The following NVL variants were observed in gnomAD, a reference collection of about 807,000 sequenced individuals.
NVL encodes nuclear VCP like, also known as nuclear valosin-containing protein-like.
In NVL, 84 loss-of-function variants were observed where a neutral mutation model predicts 110.2. The observed-to-expected ratio is 0.76, with a 90% CI of 0.64 to 0.91. NVL has a LOEUF of 0.91. NVL is among the 40% of genes least tolerant of loss of function. NVL has a pLI of 0.00. For synonymous variants in NVL, 354 were observed against 361.1 expected (o/e 0.98, Z 0.22); for missense variants, 882 against 1,035.9 (o/e 0.85, Z 2.04).
chr1:224,271,847 C>T (rs1273466324), intron 17 of NVL, among the ~76,000 whole-genome samples: 1 of 151,948 alleles, frequency 6.6e-6, no homozygotes, highest in Non-Finnish European at 1.5e-5. Flanking sequence ...CCCATCTCTA[C>T]TAAAAATACA....
intron 8 of NVL, among the ~76,000 whole-genome samples, chr1:224,304,200 G>GCAGATCACGAAGTCAGGAGATCAAGA (rs1668690099): frequency 2.0e-5 from 3 of 152,310 alleles, no homozygotes; most frequent in Non-Finnish European, 2.9e-5. Context: ...GCTGAGGTGG[G>GCAGATCACGAAGTCAGGAGATCAAGA]CAGATCACGA....
At chr1:224,296,673 G>T in intron 10 of NVL, 55 bp from the exon 11 acceptor site, 1 of 1,002,982 alleles carries the variant, frequency 1.0e-6, no homozygotes, top group Non-Finnish European at 1.5e-6. Context: ...CTATACTGAA[G>T]CACAATTAAG....
chr1:224,294,350 G>A lies in NVL; in HGVS notation c.1242C>T (p.Asp414=), dbSNP rs142809512. ...VLVIGATNRP[D]SLDPALRRAG... is the part of the protein sequence containing the mutation. ...CACGTCTCAAAGCAGGGTCTAACGA[G>A]TCTGGTCGATTAGTAGCTCCAATAA... Residue 414 remains aspartate, a synonymous_variant, in exon 12 of 23, where the codon GAC becomes GAT. Transcript: ENST00000281701. 6.2e-6 allele frequency: 10 copies of A among 1,614,102 alleles called. No homozygotes were observed. The highest frequency in any genetic ancestry group is 1.7e-5 in the Admixed American group (1 of 60,006).
At chr1:224,321,755 C>CA (rs10551099) in intron 2 of NVL, among the ~76,000 whole-genome samples, 5 of 133,786 alleles carry the variant, frequency 3.7e-5, no homozygotes, top group African/African-American at 1.1e-4. Context: ...GATTCCACCT[C>CA]AAAAAAAAAA....
In NVL at chr1:224,257,371, G is replaced by A. The variant is rs2102785964; in HGVS notation, c.2183-7053C>T. On this transcript the variant is annotated intron_variant, in intron 18 of 22. Coordinates refer to ENST00000281701, the MANE Select transcript of NVL (RefSeq NM_002533.4). ...AGAAAAAAAAAGTTAAAATTGAGAG[G>A]TAACAGTAGCAACTTTTAACTTTAG... 1.3e-5 allele frequency among the ~76,000 whole-genome samples: 2 copies of A among 152,126 alleles called. 1 individual carries two copies. The highest frequency in any genetic ancestry group is 4.2e-4 in the South Asian group (2 of 4,818).
intron 9 of NVL, among the ~76,000 whole-genome samples, chr1:224,302,163 AC>A (rs1244300137): frequency 6.6e-6 from 1 of 152,116 alleles, no homozygotes; most frequent in Non-Finnish European, 1.5e-5. Flanking sequence ...CTTTCATAGA[AC>A]ATTATTGTAT....
At chr1:224,230,477 A>C (rs1370580907) in intron 22 of NVL, among the ~76,000 whole-genome samples, 1 of 151,982 alleles carries the variant, frequency 6.6e-6, no homozygotes, top group Non-Finnish European at 1.5e-5. Flanking sequence ...GGTGGTGCGC[A>C]CCTATAGTCC....
rs113028324 is a variant in NVL, at chr1:224,284,273, T to G, written c.1899+1753A>C. ...ACAAATCTTAATATATGAAGTGATA[T>G]AAATAAGAAAGAAAATCACATGTAT... On this transcript the variant is annotated intron_variant, in intron 15 of 22. Transcript: ENST00000281701. Among the ~76,000 whole-genome samples the G allele has an allele frequency of 5.1e-4, 78 of 152,210 alleles. 1 individual carries two copies. The highest frequency in any genetic ancestry group is 1.8e-3 in the African/African-American group (75 of 41,558).
chr1:224,322,243 ATTT>A (rs34841668), intron 2 of NVL, among the ~76,000 whole-genome samples: 4 of 131,792 alleles, frequency 3.0e-5, no homozygotes, highest in Admixed American at 7.7e-5. Flanking sequence ...TGCCACGCTA[ATTT>A]TTTTTTTTTT....
rs768441924 is a variant in NVL at position 224,268,129 on chromosome 1, CCT to C, written c.2085_2086del (p.Ala697LysfsTer28). 4.3e-6 allele frequency: 7 copies of C among 1,612,184 alleles called. No homozygotes were observed. Among genetic ancestry groups the C allele is most frequent in the South Asian group, 1.1e-5 (1 of 90,930 alleles). On this transcript the variant is annotated frameshift_variant and splice_region_variant, in exon 18 of 23. Coordinates refer to ENST00000281701, the MANE Select transcript of NVL (RefSeq NM_002533.4). LOFTEE classifies it high-confidence loss of function. Reference sequence around the variant, plus strand: ...CTGATTCACCACTCGGACACTTGCCCCTGTCTAAAAAGACATAAATCTGGTTC... The same window carrying C: ...CTGATTCACCACTCGGACACTTGCCCGTCTAAAAAGACATAAATCTGGTTC...
At position 224,317,916 on chromosome 1, in the gene NVL, C is replaced by G. The variant is rs541886599; in HGVS notation, c.146G>C (p.Arg49Pro). 6.3e-7 allele frequency: 1 copy of G among 1,597,432 alleles called. No individual in the cohort carries two copies. The highest frequency in any genetic ancestry group is 8.6e-7 in the Non-Finnish European group (1 of 1,168,670). Reference sequence around the variant, plus strand: ...AATCCTAAAAGCATTTCTTTTTCTTCGACCATAGTCTATACTGAAAAAAGA... The same window carrying G: ...AATCCTAAAAGCATTTCTTTTTCTTGGACCATAGTCTATACTGAAAAAAGA... ...LQRVYSIDYGRRKRNAFRIQV... is the reference protein window; with the variant it reads ...LQRVYSIDYGPRKRNAFRIQV... The change falls in exon 3 of 23, where the codon CGA (arginine) becomes CCA (proline). Residue 49 changes from arginine (R) to proline (P), a missense_variant. Arg to Pro is a moderately radical substitution (Grantham distance 103, BLOSUM62 -2). Coordinates refer to ENST00000281701, the MANE Select transcript of NVL (RefSeq NM_002533.4).
Position 224,321,402 on chromosome 1 carries a change from T to C in NVL, c.132-3472A>G, listed in dbSNP as rs183411890. Among the ~76,000 whole-genome samples, 531 of 152,196 alleles carry C rather than the reference T, an allele frequency of 3.5e-3. 4 individuals carry two copies. Among genetic ancestry groups the C allele is most frequent in the African/African-American group, 0.012 (496 of 41,540 alleles). ...CACCTGGATAAGAGAAGATGGCAGA[T>C]GGATGTAGGCAGAATGTTTAAAAGC... On this transcript the variant is annotated intron_variant, in intron 2 of 22. Transcript: ENST00000281701.
chr1:224,242,795 TAC>T (rs1661350531), intron 19 of NVL, among the ~76,000 whole-genome samples: 1 of 151,074 alleles, frequency 6.6e-6, no homozygotes, highest in East Asian at 1.9e-4. Context: ...TATTCTTAAC[TAC>T]ACATCAGAGT....
chr1:224,283,266 T>A (rs909275183), intron 15 of NVL, among the ~76,000 whole-genome samples: 2 of 152,084 alleles, frequency 1.3e-5, no homozygotes, highest in Non-Finnish European at 2.9e-5. Flanking sequence ...CACGGGTGGA[T>A]CACGAGGTCA....
intron 19 of NVL, among the ~76,000 whole-genome samples, chr1:224,244,706 G>A (rs1661610532): frequency 6.8e-6 from 1 of 146,508 alleles, no homozygotes; most frequent in South Asian, 2.2e-4. Context: ...TTTTTTTTTT[G>A]AGATGGAGTC....
At chr1:224,322,027 C>A (rs537856517) in intron 2 of NVL, among the ~76,000 whole-genome samples, 13 of 152,266 alleles carry the variant, frequency 8.5e-5, no homozygotes, top group African/African-American at 3.1e-4. Context: ...CAAAACACAA[C>A]TCACAGATTT....
chr1:224,227,419 C>G lies in NVL; in HGVS notation c.*207G>C. The G allele has an allele frequency of 2.7e-6, 1 of 367,256 alleles. No individual in the cohort carries two copies. Among genetic ancestry groups the G allele is most frequent in the South Asian group, 1.0e-4 (1 of 9,984 alleles). 22.7% of individuals were successfully genotyped at this position (367,256 alleles called of 1,614,324 possible). On this transcript the variant is annotated 3_prime_UTR_variant, in exon 23 of 23. Transcript: ENST00000281701. ...CAGCAGTTTAAAAATTGTCCTTTTT[C>G]TTAAAGAGGAAGAAGGCATTTTCAC...
At chr1:224,288,333 A>G (rs1243510628) in intron 13 of NVL, among the ~76,000 whole-genome samples, 1 of 152,200 alleles carries the variant, frequency 6.6e-6, no homozygotes, top group Non-Finnish European at 1.5e-5. Context: ...TATTCAAGAA[A>G]CAGTTGAATC....
At chr1:224,295,261 C>T (rs937352285) in intron 11 of NVL, among the ~76,000 whole-genome samples, 1 of 151,976 alleles carries the variant, frequency 6.6e-6, no homozygotes, top group Non-Finnish European at 1.5e-5. Context: ...GGCACCATCT[C>T]AGCTCATGGC....
Sources: gnomAD v4.1 joint callset for allele counts (sites outside exome capture counted in the v4.1 genomes callset) on GRCh38, gnomAD v4.1.1 for gene constraint, MANE v1.5 for transcripts, NCBI Gene and HGNC (gene_info 2026-07-23, HGNC 2026-07-21) for gene names.